Variants in KAT14 observed in about 807,000 individuals in gnomAD.
KAT14 encodes the protein cysteine-rich protein 2-binding protein.
In KAT14, 66 loss-of-function variants were observed where a neutral mutation model predicts 78.4. The observed-to-expected ratio is 0.84, with a 90% CI of 0.69 to 1.03. The LOEUF (loss-of-function observed/expected upper bound fraction) is 1.03, where lower values mean the gene tolerates loss of function less well. KAT14 is among the 50% of genes least tolerant of loss of function. The pLI is 0.00. For missense variants in KAT14, 870 were observed against 972.5 expected, an observed-to-expected ratio of 0.89 and a Z score of 1.40; for synonymous variants, 344 against 359.4, an observed-to-expected ratio of 0.96 and a Z score of 0.48.
At chr20:18,150,184 G>GTGGC (rs1327868798) in intron 3 of KAT14, among the ~76,000 whole-genome samples, 3 of 152,122 alleles carry the variant, frequency 2.0e-5, no homozygotes. Flanking sequence ...AATGGGCTGA[G>GTGGC]TGGCTAGGCC....
chr20:18,160,184 G>A (rs1214388300), intron 5 of KAT14, among the ~76,000 whole-genome samples: 1 of 152,118 alleles, frequency 6.6e-6, no homozygotes, highest in African/African-American at 2.4e-5. Context: ...TACAGGGTGA[G>A]CCACCGGATC....
chr20:18,158,649 A>G (rs2038305778), intron 4 of KAT14, among the ~76,000 whole-genome samples: 2 of 152,184 alleles, frequency 1.3e-5, no homozygotes, highest in African/African-American at 4.8e-5. Flanking sequence ...GGAGCCAGTT[A>G]ACTTCTATCA....
intron 1 of KAT14, among the ~76,000 whole-genome samples, chr20:18,139,421 C>T (rs535664137): frequency 1.2e-4 from 18 of 152,306 alleles, no homozygotes; most frequent in African/African-American, 4.1e-4. Context: ...TGGACCCTAA[C>T]TGAACATCAA....
intron 1 of KAT14, among the ~76,000 whole-genome samples, chr20:18,141,625 C>G (rs1211898417): frequency 2.0e-5 from 3 of 152,218 alleles, no homozygotes; most frequent in Admixed American, 2.0e-4. Context: ...TGGCTCACGC[C>G]TGTAATCCGG....
At chr20:18,157,535 A>G (rs544065627) in intron 4 of KAT14, among the ~76,000 whole-genome samples, 12 of 152,154 alleles carry the variant, frequency 7.9e-5, no homozygotes, top group Non-Finnish European at 1.3e-4. Context: ...GTATTTGAAT[A>G]TAGATTCACA....
intron 1 of KAT14, among the ~76,000 whole-genome samples, chr20:18,140,314 G>C (rs1299237948): frequency 6.6e-6 from 1 of 152,100 alleles, no homozygotes; most frequent in Non-Finnish European, 1.5e-5. Flanking sequence ...CAAGACAGTT[G>C]TGTTTCAGTT....
At chr20:18,143,701 C>T (rs767259938) in intron 2 of KAT14, among the ~76,000 whole-genome samples, 1 of 148,130 alleles carries the variant, frequency 6.8e-6, no homozygotes, top group Non-Finnish European at 1.5e-5. Flanking sequence ...GATCTTGGCT[C>T]ACTGCAACCT....
intron 2 of KAT14, among the ~76,000 whole-genome samples, chr20:18,144,604 A>G (rs1220702582): frequency 6.6e-6 from 1 of 152,180 alleles, no homozygotes; most frequent in Non-Finnish European, 1.5e-5. Flanking sequence ...GGTACACAGC[A>G]CATTCCATTC....
At chr20:18,145,205 A>G (rs1182280000) in intron 2 of KAT14, 28 bp from the exon 3 acceptor site, 4 of 1,612,566 alleles carry the variant, frequency 2.5e-6, no homozygotes, top group East Asian at 2.2e-5. Context: ...AGATAAACCC[A>G]TGATGTGACT....
chr20:18,144,729 C>T (rs2037756068), intron 2 of KAT14, among the ~76,000 whole-genome samples: 1 of 152,180 alleles, frequency 6.6e-6, no homozygotes, highest in Non-Finnish European at 1.5e-5. Context: ...ATTTAGAAAA[C>T]CAAGAACAAC....
intron 3 of KAT14, among the ~76,000 whole-genome samples, chr20:18,147,579 TA>T (rs1327116862): frequency 1.2e-4 from 19 of 152,096 alleles, no homozygotes; most frequent in East Asian, 3.9e-4. Flanking sequence ...TTATTCTTTT[TA>T]AAAAAAAATT....
Position 18,181,711 on chromosome 20 carries a change from C to T in KAT14, c.1670C>T (p.Thr557Ile), listed in dbSNP as rs570464961. ...QDFRILDRYQTSLPSRKGFRH... is the reference protein window; with the variant it reads ...QDFRILDRYQISLPSRKGFRH... ...ATAACCAGTGTTTCTTTCTCATAGA[C>T]TTCCTTGCCGTCCAGGAAGGGATTT... Residue 557 changes from threonine to isoleucine, a missense_variant and splice_region_variant, in exon 8 of 11, where the codon ACT (threonine) becomes ATT (isoleucine). Transcript: ENST00000688188. The T allele has an allele frequency of 1.2e-6, 2 of 1,614,132 alleles. No individual in the cohort carries two copies. The highest frequency in any genetic ancestry group is 1.3e-5 in the African/African-American group (1 of 75,042).
chr20:18,166,160 G>A lies in KAT14; in HGVS notation c.1668+3215G>A, dbSNP rs534542613. 2.0e-5 allele frequency among the ~76,000 whole-genome samples: 3 copies of A among 152,316 alleles called. No homozygotes were observed. The South Asian group carries it at 6.2e-4, about 32-fold the overall frequency. On this transcript the variant is annotated intron_variant, in intron 7 of 10. Coordinates refer to ENST00000688188, the MANE Select transcript of KAT14 (RefSeq NM_001392073.1). ...TTTCTTTCTGTAGAAAGGGTGCTCA[G>A]TTGCAGATGGAACAAAGGTGAGAGC...
At chr20:18,145,093 T>C in intron 2 of KAT14, 140 bp from the exon 3 acceptor site, 3 of 1,419,794 alleles carry the variant, frequency 2.1e-6, no homozygotes, top group Admixed American at 3.0e-5. Context: ...TCCCTTCCTT[T>C]TCCCCATTTT....
At position 18,144,048 on chromosome 20, in the gene KAT14, T is replaced by C. The variant is rs181324169; in HGVS notation, c.259+1129T>C. 4.6e-5 allele frequency among the ~76,000 whole-genome samples: 7 copies of C among 152,330 alleles called. No individual in the cohort carries two copies. The East Asian group carries it at 7.7e-4, about 17-fold the overall frequency. On this transcript the variant is annotated intron_variant, in intron 2 of 10. Transcript: ENST00000688188. ...ATTAGGCAAGAGACTAGTAAAGATA[T>C]AGGTACTTGAGGAATGCCTTTGTGT...
At chr20:18,185,383 G>A (rs754552927) in intron 10 of KAT14, among the ~76,000 whole-genome samples, 10 of 152,002 alleles carry the variant, frequency 6.6e-5, no homozygotes, top group Non-Finnish European at 1.0e-4. Context: ...CTGATTTTTT[G>A]TAGGGACAGG....
chr20:18,184,581 C>T, intron 9 of KAT14, 21 bp from the exon 10 acceptor site: 1 of 1,590,784 alleles, frequency 6.3e-7, no homozygotes, highest in Non-Finnish European at 8.5e-7. Context: ...GTTTGAGTCT[C>T]CGATGGTTTC....
At chr20:18,137,835 A>G, upstream of KAT14, 1 of 1,058,654 alleles carries the variant, frequency 9.4e-7, no homozygotes, top group Non-Finnish European at 1.3e-6. Context: ...GGCGCACGCG[A>G]CGGCTGGGGC....
intron 7 of KAT14, among the ~76,000 whole-genome samples, chr20:18,174,000 A>G (rs2038946164): frequency 6.6e-6 from 1 of 152,138 alleles, no homozygotes; most frequent in Admixed American, 6.5e-5. Flanking sequence ...CCCTATTCCT[A>G]CTGCCCATGA....
Sources: gnomAD v4.1 joint callset for allele counts (sites outside exome capture counted in the v4.1 genomes callset) on GRCh38, gnomAD v4.1.1 for gene constraint, MANE v1.5 for transcripts, NCBI Gene and HGNC (gene_info 2026-07-23, HGNC 2026-07-21) for gene names.